Variants in CAPN2 observed in about 807,000 individuals in gnomAD.
The protein encoded by CAPN2 is calpain-2 catalytic subunit.
Under a neutral mutation model 102.3 loss-of-function variants are expected in CAPN2, and 92 were observed. That is an observed-to-expected ratio of 0.90 (90% CI 0.76 to 1.07). The LOEUF (loss-of-function observed/expected upper bound fraction) is 1.07, where lower values mean the gene tolerates loss of function less well. Ranked by LOEUF, CAPN2 falls within the 50% of genes least tolerant of loss-of-function variation. The pLI is 0.00. For missense variants in CAPN2, 800 were observed against 909.4 expected (o/e 0.88, Z 1.55); for synonymous variants, 340 against 355.4 (o/e 0.96, Z 0.49).
intron 4 of CAPN2, 73 bp from the exon 5 acceptor site, chr1:223,746,924 G>A (rs1660763823): frequency 2.2e-6 from 3 of 1,373,186 alleles, no homozygotes; most frequent in South Asian, 1.3e-5. Flanking sequence ...GACGGTACTA[G>A]GGGGTGGCTG....
rs1359571605 is a variant in CAPN2 at position 223,755,042 on chromosome 1, C to G, written c.1136-438C>G. Among the ~76,000 whole-genome samples, 2 of 152,180 alleles carry G rather than the reference C, an allele frequency of 1.3e-5. No homozygotes were observed. Among genetic ancestry groups the G allele is most frequent in the Non-Finnish European group, 2.9e-5 (2 of 68,028 alleles). On this transcript the variant is annotated intron_variant, in intron 9 of 20. Coordinates refer to ENST00000295006, the MANE Select transcript of CAPN2 (RefSeq NM_001748.5). This position sits in a 1 kb window ranked among gnomAD's most constrained non-coding sequence, Gnocchi z 4.1. ...TTCTAATTTAGGTTCCTGTTAGATTCAGACAAGTGCAGGTCATCCTCTCTC... is the reference window on the plus strand; with the variant it reads ...TTCTAATTTAGGTTCCTGTTAGATTGAGACAAGTGCAGGTCATCCTCTCTC...
chr1:223,752,936 G>T lies in CAPN2; in HGVS notation c.1115G>T (p.Gly372Val). ...DGNWRRGSTAGGCRNYPNTFW... is the reference protein window; with the variant it reads ...DGNWRRGSTAVGCRNYPNTFW... The stretch of plus-strand genomic sequence containing the variant: ...AACTGGAGGCGGGGCTCCACCGCGG[G>T]AGGTTGCAGGAACTACCCGAGTAAG... Residue 372 changes from glycine to valine, a missense_variant, in exon 9 of 21, where the codon GGA (glycine) becomes GTA (valine). Physicochemically the swap from Gly to Val is moderately radical, Grantham distance 109 (BLOSUM62 -3). Transcript: ENST00000295006. 6.2e-7 allele frequency: 1 copy of T among 1,614,148 alleles called. No individual in the cohort carries two copies. The highest frequency in any genetic ancestry group is 1.1e-5 in the South Asian group (1 of 91,078).
In CAPN2 at chr1:223,771,876, C is replaced by G; in HGVS notation, c.1971C>G (p.Ile657Met). ...GGTTTGCAGATGACCAGCTCATCAT[C>G]GATTTTGATAATTTTGTTCGGTGTT... ...VARFADDQLI[I>M]DFDNFVRCLV... Residue 657 changes from isoleucine to methionine, a missense_variant, in exon 19 of 21, where the codon ATC becomes ATG. By Grantham distance (10) the Ile-to-Met change is conservative. Transcript: ENST00000295006. 10 of 1,614,072 alleles carry G rather than the reference C, an allele frequency of 6.2e-6. No individual in the cohort carries two copies. The highest frequency in any genetic ancestry group is 8.5e-6 in the Non-Finnish European group (10 of 1,179,960).
chr1:223,742,770 C>T (rs1007045723), intron 2 of CAPN2, among the ~76,000 whole-genome samples: 1 of 152,178 alleles, frequency 6.6e-6, no homozygotes, highest in Non-Finnish European at 1.5e-5. Flanking sequence ...ACCCACTGAC[C>T]TTGGCCTCCC....
chr1:223,712,873 C>CACGGTAGGAAGCG lies in CAPN2; in HGVS notation c.233_234insACGGTAGGAAGCG (p.Thr79ArgfsTer2), dbSNP rs1659774174. On this transcript the variant is annotated stop_gained and frameshift_variant, in exon 1 of 21. Transcript: ENST00000295006. LOFTEE classifies it high-confidence loss of function. ...ACCCGGGGCATCGAGTGGAAGCGCCCCACGGTAGGAAGCGCGCGGCAGGAC... is the reference window on the plus strand; with the variant it reads ...ACCCGGGGCATCGAGTGGAAGCGCCCACGGTAGGAAGCGCACGGTAGGAAGCGCGCGGCAGGAC... 1 of 1,531,370 alleles carries CACGGTAGGAAGCG rather than the reference C, an allele frequency of 6.5e-7. No homozygotes were observed. Among genetic ancestry groups the CACGGTAGGAAGCG allele is most frequent in the Non-Finnish European group, 8.8e-7 (1 of 1,141,046 alleles). The allele number at this position is 1,531,370 out of a possible 1,614,324, so 94.9% of individuals were successfully genotyped here.
chr1:223,703,342 C>T lies in CAPN2; in HGVS notation c.3+1511C>T, dbSNP rs190331570. Among the ~76,000 whole-genome samples, 5 of 151,212 alleles carry T rather than the reference C, an allele frequency of 3.3e-5. No individual in the cohort carries two copies. The East Asian group carries it at 9.7e-4, about 29-fold the overall frequency. ...TTTTTTTTTTTAGATGGGGGTCTCT[C>T]TATGTTGTGCAGGCTGGTCTCAAAC... is the stretch of plus-strand genomic sequence containing the variant. On this transcript the variant is annotated intron_variant, in intron 1 of 20. Transcript: ENST00000433674.
upstream of CAPN2, among the ~76,000 whole-genome samples, chr1:223,710,491 T>A (rs369183053): frequency 5.9e-5 from 9 of 152,140 alleles, no homozygotes; most frequent in East Asian, 9.7e-4. Context: ...AATGGATGGT[T>A]CCTCCTTAGC....
In CAPN2 at chr1:223,741,425, ATATATATATAATGTG is replaced by A. The variant is rs1208723205; in HGVS notation, c.308-2664_308-2650del. On this transcript the variant is annotated intron_variant, in intron 2 of 20. Coordinates refer to ENST00000295006, the MANE Select transcript of CAPN2 (RefSeq NM_001748.5). ...TTGAATCTTTGGCTGTAAAATGTAT[ATATATATATAATGTG>A]TATATATATATATATATATATATAT... 3.7e-3 allele frequency among the ~76,000 whole-genome samples: 300 copies of A among 81,316 alleles called. 12 individuals carry two copies. The highest frequency in any genetic ancestry group is 0.031 in the African/African-American group (291 of 9,322). 53.3% of individuals were successfully genotyped at this position (81,316 alleles called of 152,430 possible).
At position 223,712,675 on chromosome 1, in the gene CAPN2, G is replaced by C. The variant is rs1449901982; in HGVS notation, c.35G>C (p.Arg12Pro). 5.8e-6 allele frequency: 9 copies of C among 1,552,574 alleles called. No individual in the cohort carries two copies. Among genetic ancestry groups the C allele is most frequent in the Non-Finnish European group, 6.9e-6 (8 of 1,151,220 alleles). Residue 12 changes from arginine (R) to proline (P), a missense_variant, in exon 1 of 21, where the codon CGG becomes CCG. Physicochemically the swap from Arg to Pro is moderately radical, Grantham distance 103 (BLOSUM62 -2). Transcript: ENST00000295006. ...ATCGCGGCCAAGCTGGCGAAGGACC[G>C]GGAGGCGGCCGAGGGGCTGGGCTCC... ...AGIAAKLAKD[R>P]EAAEGLGSHD...
At chr1:223,745,223 C>G in intron 3 of CAPN2, 83 bp from the exon 4 acceptor site, 1 of 1,579,550 alleles carries the variant, frequency 6.3e-7, no homozygotes, top group Non-Finnish European at 8.7e-7. Flanking sequence ...GGGATCAGGG[C>G]AAGGGGAGCC....
At position 223,750,908 on chromosome 1, in the gene CAPN2, C is replaced by G. The variant is rs1449334195; in HGVS notation, c.832C>G (p.Leu278Val). 6.4e-7 allele frequency: 1 copy of G among 1,552,268 alleles called. No individual in the cohort carries two copies. Among genetic ancestry groups the G allele is most frequent in the Admixed American group, 2.0e-5 (1 of 51,040 alleles). Residue 278 changes from leucine to valine, a missense_variant, in exon 7 of 21, where the codon CTA becomes GTA. By Grantham distance (32) the Leu-to-Val change is conservative (BLOSUM62 1). Coordinates refer to ENST00000295006, the MANE Select transcript of CAPN2 (RefSeq NM_001748.5). ...CCTGCAGGTTGAAAGTAACGGAAGC[C>G]TACAGAAACTGATCCGCATCCGAAA... is the stretch of plus-strand genomic sequence containing the variant. ...GAEEVESNGSLQKLIRIRNPW... is the reference protein window; with the variant it reads ...GAEEVESNGSVQKLIRIRNPW...
Position 223,755,487 on chromosome 1 carries a change from C to T in CAPN2, c.1143C>T (p.Phe381=). 4.3e-6 allele frequency: 7 copies of T among 1,614,000 alleles called. No homozygotes were observed. The highest frequency in any genetic ancestry group is 5.9e-6 in the Non-Finnish European group (7 of 1,179,996). ...AGGCRNYPNT[F]WMNPQYLIKL... is the part of the protein sequence containing the mutation. ...GCCCCTTTCTGGCTGCAGACACATT[C>T]TGGATGAACCCTCAGTACCTGATCA... The change falls in exon 10 of 21, where the codon TTC becomes TTT. Residue 381 remains phenylalanine (F), a synonymous_variant. Coordinates refer to ENST00000295006, the MANE Select transcript of CAPN2 (RefSeq NM_001748.5). This position sits in a 1 kb window ranked among gnomAD's most constrained non-coding sequence, Gnocchi z 4.1.
intron 2 of CAPN2, among the ~76,000 whole-genome samples, chr1:223,737,620 A>AG (rs1289271634): frequency 1.4e-5 from 2 of 146,106 alleles, no homozygotes; most frequent in Non-Finnish European, 3.0e-5. Context: ...TGGGAGCTTT[A>AG]CAGTGACTTA....
chr1:223,747,371 A>C (rs1037419568), intron 5 of CAPN2, among the ~76,000 whole-genome samples: 1 of 152,216 alleles, frequency 6.6e-6, no homozygotes, highest in Non-Finnish European at 1.5e-5. Context: ...GAAATGGCAT[A>C]CAAATGTATG....
intron 20 of CAPN2, 148 bp from the exon 21 acceptor site, chr1:223,774,686 G>A (rs1661568016): frequency 5.9e-6 from 4 of 678,102 alleles, no homozygotes; most frequent in East Asian, 2.6e-5. Context: ...TAGAAATCAG[G>A]TAAGAAAAAT....
Position 223,755,408 on chromosome 1 carries a change from A to G in CAPN2, c.1136-72A>G, listed in dbSNP as rs1476235119. 6.6e-7 allele frequency: 1 copy of G among 1,524,400 alleles called. No individual in the cohort carries two copies. The highest frequency in any genetic ancestry group is 9.0e-7 in the Non-Finnish European group (1 of 1,110,722). The allele number at this position is 1,524,400 out of a possible 1,614,324, so 94.4% of individuals were successfully genotyped here. On this transcript the variant is annotated intron_variant, in intron 9 of 20. Coordinates refer to ENST00000295006, the MANE Select transcript of CAPN2 (RefSeq NM_001748.5). The surrounding 1 kb of genome is among the most constrained non-coding windows in gnomAD (Gnocchi z 4.1). ...TCCCTCTCAGAAGCCTCCAAGCCTG[A>G]GACCAGGGCCACCCCCCACCCCCAT...
upstream of CAPN2, chr1:223,712,342 G>A: frequency 1.5e-6 from 1 of 660,044 alleles, no homozygotes; most frequent in Non-Finnish European, 1.9e-6. Context: ...CCTCCCCGGC[G>A]CCGGGCCGCG....
intron 12 of CAPN2, among the ~76,000 whole-genome samples, chr1:223,760,666 T>C (rs1411138307): frequency 6.6e-6 from 1 of 152,064 alleles, no homozygotes; most frequent in Non-Finnish European, 1.5e-5. Flanking sequence ...ACAGTGTCCT[T>C]TGTCAAACTC....
intron 2 of CAPN2, among the ~76,000 whole-genome samples, chr1:223,718,184 T>C (rs761122512): frequency 1.3e-5 from 2 of 152,212 alleles, no homozygotes; most frequent in Non-Finnish European, 2.9e-5. Flanking sequence ...GGCAGAGGAC[T>C]AGGTGGGAGG....
Sources: allele counts gnomAD v4.1 joint callset (sites outside exome capture counted in the v4.1 genomes callset), GRCh38; gene constraint gnomAD v4.1.1; non-coding constraint Gnocchi (gnomAD v3.1); transcripts MANE v1.5; gene names NCBI Gene and HGNC (gene_info 2026-07-23, HGNC 2026-07-21).